ELF1: variants seen among roughly 807,000 people sequenced by gnomAD.
ELF1 encodes the protein ETS-related transcription factor Elf-1.
In ELF1, 24 loss-of-function variants were observed where a neutral mutation model predicts 59.9. The observed-to-expected ratio is 0.40, with a 90% confidence interval of 0.29 to 0.56. The LOEUF is 0.56. Among genes scored for constraint, ELF1 ranks in the 20% least tolerant of loss-of-function variants. ELF1 has a pLI of 0.44. For missense variants in ELF1, 627 were observed against 742.2 expected (o/e 0.84, Z 1.80); for synonymous variants, 248 against 266.2 (o/e 0.93, Z 0.67).
rs1193490394 is a variant in ELF1 at position 40,954,658 on chromosome 13, C to G, written c.254-3222G>C. Among the ~76,000 whole-genome samples the G allele has an allele frequency of 7.2e-5, 11 of 152,316 alleles. No individual in the cohort carries two copies. The East Asian group carries it at 1.2e-3, about 16-fold the overall frequency. ...GGAGGCGGGGTTTTGCTGTGTTGGC[C>G]GGGCTGGTCTCCAGCTCCTAACCGC... is the stretch of plus-strand genomic sequence containing the variant. On this transcript the variant is annotated intron_variant, in intron 3 of 8. Transcript: ENST00000239882.
chr13:41,040,932 C>T (rs1876581137), intron 1 of ELF1, among the ~76,000 whole-genome samples: 2 of 152,274 alleles, frequency 1.3e-5, no homozygotes, highest in South Asian at 2.1e-4. Context: ...CAAACATGGT[C>T]CCTGTCCCCA....
intron 2 of ELF1, among the ~76,000 whole-genome samples, chr13:40,974,484 T>C (rs1040358065): frequency 1.3e-5 from 2 of 152,180 alleles, no homozygotes; most frequent in African/African-American, 2.4e-5. Flanking sequence ...CTTGACTCTT[T>C]TGTAGTGAGA....
intron 8 of ELF1, among the ~76,000 whole-genome samples, chr13:40,938,366 T>C (rs896290117): frequency 4.6e-5 from 7 of 152,164 alleles, no homozygotes; most frequent in Admixed American, 3.3e-4. Flanking sequence ...TGAATCAACA[T>C]AGATACATGC....
chr13:40,933,635 G>A lies in ELF1; in HGVS notation c.1650C>T (p.Gly550=). The A allele has an allele frequency of 6.2e-7, 1 of 1,614,216 alleles. No individual in the cohort carries two copies. Among genetic ancestry groups the A allele is most frequent in the Non-Finnish European group, 8.5e-7 (1 of 1,180,024 alleles). Residue 550 remains glycine, a synonymous_variant, in exon 9 of 9, where the codon GGC becomes GGT. Coordinates refer to ENST00000239882, the MANE Select transcript of ELF1 (RefSeq NM_172373.4). ...RSSQLVAHPP[G]TVITSVIKTQ... The stretch of plus-strand genomic sequence containing the variant: ...TTTTGATAACTGAAGTGATTACAGT[G>A]CCAGGTGGGTGAGCAACCAGCTGTG...
At chr13:40,994,266 T>C (rs1461801752) in intron 1 of ELF1, among the ~76,000 whole-genome samples, 1 of 152,208 alleles carries the variant, frequency 6.6e-6, no homozygotes. Flanking sequence ...ACAGACTGAA[T>C]ACCTAGACCT....
chr13:41,005,747 T>C (rs554590818), intron 1 of ELF1, among the ~76,000 whole-genome samples: 8 of 152,332 alleles, frequency 5.3e-5, no homozygotes, highest in African/African-American at 1.9e-4. Flanking sequence ...CAAGTCATGT[T>C]AACCAACCTT....
chr13:40,959,927 A>ATAC (rs1871710530), intron 2 of ELF1, among the ~76,000 whole-genome samples: 1 of 152,218 alleles, frequency 6.6e-6, no homozygotes, highest in African/African-American at 2.4e-5. Context: ...CCTCATTAAG[A>ATAC]TACTACTTCC....
At chr13:41,054,107 C>A (rs2138438137) in intron 1 of ELF1, among the ~76,000 whole-genome samples, 1 of 152,164 alleles carries the variant, frequency 6.6e-6, no homozygotes, top group African/African-American at 2.4e-5. Flanking sequence ...CACAACAGGC[C>A]TACATGCCAC....
intron 8 of ELF1, among the ~76,000 whole-genome samples, chr13:40,940,386 G>GAAAAAAAAAAAAAAAAAAAAAAAAAAAAA (rs375400990): frequency 9.1e-6 from 1 of 109,896 alleles, no homozygotes; most frequent in Non-Finnish European, 1.7e-5. Flanking sequence ...TGATTTAACT[G>GAAAAAAAAAAAAAAAAAAAAAAAAAAAAA]AAAAAAAAAA....
At chr13:40,981,580 A>G (rs940385282) in intron 2 of ELF1, among the ~76,000 whole-genome samples, 2 of 152,138 alleles carry the variant, frequency 1.3e-5, no homozygotes, top group Non-Finnish European at 2.9e-5. Flanking sequence ...ATGTATGATT[A>G]TGGGACCGCT....
intron 2 of ELF1, among the ~76,000 whole-genome samples, chr13:40,975,259 T>C (rs571231331): frequency 6.6e-6 from 1 of 152,340 alleles, no homozygotes; most frequent in Non-Finnish European, 1.5e-5. Flanking sequence ...ACCTAATCTC[T>C]GACCTAACAG....
chr13:41,036,568 T>C (rs1345547225), intron 1 of ELF1, among the ~76,000 whole-genome samples: 1 of 152,188 alleles, frequency 6.6e-6, no homozygotes, highest in Non-Finnish European at 1.5e-5. Context: ...GATCCAGAAC[T>C]AGAAATACCA....
At chr13:41,024,395 C>T (rs1875801856) in intron 1 of ELF1, among the ~76,000 whole-genome samples, 2 of 152,110 alleles carry the variant, frequency 1.3e-5, no homozygotes, top group Admixed American at 1.3e-4. Flanking sequence ...GACCTTGGCA[C>T]CTCAGCGTAA....
At chr13:40,982,515 T>C (rs1356552609) in intron 1 of ELF1, among the ~76,000 whole-genome samples, 1 of 145,790 alleles carries the variant, frequency 6.9e-6, no homozygotes, top group Admixed American at 7.0e-5. Flanking sequence ...TCTCCCCCAC[T>C]CTCCAGTTAA....
chr13:41,029,268 G>A (rs1233589196), intron 1 of ELF1, among the ~76,000 whole-genome samples: 2 of 152,230 alleles, frequency 1.3e-5, no homozygotes, highest in African/African-American at 2.4e-5. Context: ...AGTTGACAAG[G>A]GGTGGAACTG....
chr13:41,026,852 C>T (rs1875953080), intron 1 of ELF1, among the ~76,000 whole-genome samples: 1 of 152,204 alleles, frequency 6.6e-6, no homozygotes, highest in South Asian at 2.1e-4. Context: ...CCCAAATGCC[C>T]ATGGTTCCTG....
At chr13:40,936,620 G>C (rs1346921498) in intron 8 of ELF1, among the ~76,000 whole-genome samples, 1 of 151,946 alleles carries the variant, frequency 6.6e-6, no homozygotes, top group African/African-American at 2.4e-5. Flanking sequence ...GCATAGTCGG[G>C]TGTGGTGGCG....
chr13:40,942,926 C>T (rs1336411367), intron 7 of ELF1, 26 bp downstream of exon 7: 2 of 1,499,592 alleles, frequency 1.3e-6, no homozygotes, highest in Admixed American at 2.1e-5. Context: ...ATTCTTAACA[C>T]AATAAAATAC....
intron 1 of ELF1, among the ~76,000 whole-genome samples, chr13:41,029,813 T>G (rs1050768937): frequency 1.3e-5 from 2 of 152,144 alleles, no homozygotes; most frequent in Non-Finnish European, 2.9e-5. Flanking sequence ...GGCGCCCTCC[T>G]TCTCCAGCAA....
Sources: gnomAD v4.1 joint callset for allele counts (sites outside exome capture counted in the v4.1 genomes callset) on GRCh38, gnomAD v4.1.1 for gene constraint, MANE v1.5 for transcripts, NCBI Gene and HGNC (gene_info 2026-07-23, HGNC 2026-07-21) for gene names.